Variants in PSMD1 observed in about 807,000 individuals in gnomAD.
PSMD1 encodes proteasome 26S subunit, non-ATPase 1, also known as 26S proteasome non-ATPase regulatory subunit 1.
Under a neutral mutation model 119.0 loss-of-function variants are expected in PSMD1, and 18 were observed. The observed-to-expected ratio is 0.15, with a 90% confidence interval of 0.10 to 0.22. The LOEUF (loss-of-function observed/expected upper bound fraction) is 0.22, where lower values mean the gene tolerates loss of function less well. Ranked by LOEUF, PSMD1 falls within the 10% of genes least tolerant of loss-of-function variation. The pLI is 1.00. For missense variants in PSMD1, 702 were observed against 1,158.5 expected, an observed-to-expected ratio of 0.61 and a Z score of 5.72; for synonymous variants, 374 against 396.6, an observed-to-expected ratio of 0.94 and a Z score of 0.68.
At chr2:231,107,189 A>G (rs1458984192) in intron 16 of PSMD1, among the ~76,000 whole-genome samples, 2 of 152,238 alleles carry the variant, frequency 1.3e-5, no homozygotes, top group Admixed American at 1.3e-4. Context: ...GAATCATAAC[A>G]GATCAGGATT....
intron 16 of PSMD1, among the ~76,000 whole-genome samples, chr2:231,114,495 A>G (rs1695264807): frequency 6.6e-6 from 1 of 152,202 alleles, no homozygotes; most frequent in African/African-American, 2.4e-5. Flanking sequence ...ATAGTTCTCA[A>G]ATAAAGATTG....
intron 16 of PSMD1, among the ~76,000 whole-genome samples, chr2:231,126,741 A>G (rs2125237880): frequency 6.6e-6 from 1 of 152,188 alleles, no homozygotes. Flanking sequence ...CAACTTATAA[A>G]AAGTAAGATT....
rs77667368 is a variant in PSMD1, at chr2:231,135,999, G to C, written c.1884-2737G>C. On this transcript the variant is annotated intron_variant, in intron 16 of 24. Coordinates refer to ENST00000308696, the MANE Select transcript of PSMD1 (RefSeq NM_002807.4). ...TCCTTTGAAATTTGAATTCACCACT[G>C]TCTGGAGTTTGAGGCTGGAGGACAG... Among the ~76,000 whole-genome samples the C allele has an allele frequency of 1.7e-4, 26 of 152,232 alleles. No individual in the cohort carries two copies. In the East Asian group the frequency reaches 4.8e-3, roughly 28 times the overall value.
intron 9 of PSMD1, 119 bp downstream of exon 9, chr2:231,077,281 A>G (rs1009337577): frequency 3.6e-6 from 3 of 835,440 alleles, no homozygotes; most frequent in African/African-American, 3.6e-5. Flanking sequence ...TTAAGGAAAA[A>G]GTATTTAAGT....
chr2:231,092,465 A>G (rs558277190), intron 16 of PSMD1, among the ~76,000 whole-genome samples: 1 of 152,290 alleles, frequency 6.6e-6, no homozygotes, highest in South Asian at 2.1e-4. Flanking sequence ...TACTGGAATT[A>G]TGGTATGTCC....
chr2:231,123,230 C>G (rs1241495722), intron 16 of PSMD1, among the ~76,000 whole-genome samples: 1 of 152,058 alleles, frequency 6.6e-6, no homozygotes, highest in African/African-American at 2.4e-5. Context: ...ATTTTTTGCT[C>G]TTTAAAACTG....
chr2:231,064,291 A>G (rs1243282256), intron 4 of PSMD1, among the ~76,000 whole-genome samples: 1 of 152,192 alleles, frequency 6.6e-6, no homozygotes, highest in Non-Finnish European at 1.5e-5. Flanking sequence ...GTCTTAATGA[A>G]TATCGTAAAC....
At chr2:231,117,554 C>G (rs1695387105) in intron 16 of PSMD1, among the ~76,000 whole-genome samples, 1 of 152,110 alleles carries the variant, frequency 6.6e-6, no homozygotes, top group Non-Finnish European at 1.5e-5. Context: ...GTCTTATAGA[C>G]AATTGTTTAA....
At chr2:231,140,006 G>A (rs186039709) in intron 17 of PSMD1, among the ~76,000 whole-genome samples, 2 of 152,266 alleles carry the variant, frequency 1.3e-5, no homozygotes, top group Non-Finnish European at 2.9e-5. Context: ...TCCCAGAAGT[G>A]AACCTTTTAA....
At chr2:231,123,573 C>G in intron 16 of PSMD1, 1 of 1,614,136 alleles carries the variant, frequency 6.2e-7, no homozygotes, top group African/African-American at 1.3e-5. Flanking sequence ...TGGGTATTAT[C>G]ACCATGAGTA....
chr2:231,063,116 G>T (rs898209922), intron 4 of PSMD1, among the ~76,000 whole-genome samples: 9 of 151,978 alleles, frequency 5.9e-5, no homozygotes, highest in Admixed American at 5.9e-4. Flanking sequence ...TAAAGACATG[G>T]TTATTAAATA....
At chr2:231,098,940 G>A (rs752285881) in intron 16 of PSMD1, among the ~76,000 whole-genome samples, 7 of 152,186 alleles carry the variant, frequency 4.6e-5, no homozygotes, top group Non-Finnish European at 7.3e-5. Flanking sequence ...AGGGAAATGG[G>A]AAATTCTGAA....
At chr2:231,104,674 C>T (rs1694939041) in intron 16 of PSMD1, among the ~76,000 whole-genome samples, 1 of 152,082 alleles carries the variant, frequency 6.6e-6, no homozygotes, top group African/African-American at 2.4e-5. Context: ...AATTTCCCCA[C>T]TGTCATAAAG....
chr2:231,162,432 T>G (rs1316039103), intron 20 of PSMD1, among the ~76,000 whole-genome samples: 1 of 152,220 alleles, frequency 6.6e-6, no homozygotes, highest in African/African-American at 2.4e-5. Context: ...TTAAAACTGC[T>G]CACATTTGTA....
chr2:231,168,612 C>T (rs1408214212), intron 23 of PSMD1, among the ~76,000 whole-genome samples: 2 of 152,100 alleles, frequency 1.3e-5, no homozygotes, highest in Non-Finnish European at 2.9e-5. Context: ...TCTATAGAGA[C>T]GAGTTAGATT....
chr2:231,145,284 TCATGTTACTGTACTGA>T (rs1696226812), intron 17 of PSMD1, among the ~76,000 whole-genome samples: 1 of 152,190 alleles, frequency 6.6e-6, no homozygotes, highest in South Asian at 2.1e-4. Flanking sequence ...TACCTGTACG[TCATGTTACTGTACTGA>T]CTAGGCAGTT....
chr2:231,067,027 A>C lies in PSMD1; in HGVS notation c.426A>C (p.Leu142=), dbSNP rs779026070. The change falls in exon 5 of 25, where the codon CTA becomes CTC. Residue 142 remains leucine (L), a synonymous_variant. Coordinates refer to ENST00000308696, the MANE Select transcript of PSMD1 (RefSeq NM_002807.4). The part of the protein sequence containing the change: ...GIVNKMFQRC[L]DDHKYKQAIG... ...TAAATAAAATGTTCCAGCGATGTCT[A>C]GATGATCACAAGTATAAACAGGCTA... is the stretch of plus-strand genomic sequence containing the variant. The C allele has an allele frequency of 6.2e-7, 1 of 1,613,996 alleles. No individual in the cohort carries two copies. The highest frequency in any genetic ancestry group is 8.5e-7 in the Non-Finnish European group (1 of 1,179,990).
chr2:231,108,303 G>T (rs1695025390), intron 16 of PSMD1: 1 of 506,798 alleles, frequency 2.0e-6, no homozygotes, highest in Non-Finnish European at 3.5e-6. Flanking sequence ...CCAGAGTGCT[G>T]GATTGTTTTC....
At chr2:231,167,524 C>G (rs1178677432) in intron 23 of PSMD1, among the ~76,000 whole-genome samples, 1 of 152,140 alleles carries the variant, frequency 6.6e-6, no homozygotes, top group African/African-American at 2.4e-5. Context: ...CTGCCTATGT[C>G]TGTGCAAGGA....
Sources: allele counts gnomAD v4.1 joint callset (sites outside exome capture counted in the v4.1 genomes callset), GRCh38; gene constraint gnomAD v4.1.1; transcripts MANE v1.5; gene names NCBI Gene and HGNC (gene_info 2026-07-23, HGNC 2026-07-21).